Variants in IQSEC1 observed in about 807,000 individuals in gnomAD.
IQSEC1 encodes IQ motif and SEC7 domain-containing protein 1.
In IQSEC1, 31 loss-of-function variants were observed where a neutral mutation model predicts 91.0. That is an observed-to-expected ratio of 0.34 (90% CI 0.26 to 0.46). The LOEUF (loss-of-function observed/expected upper bound fraction) is 0.46, where lower values mean the gene tolerates loss of function less well. Among genes scored for constraint, IQSEC1 ranks in the 20% least tolerant of loss-of-function variants. The pLI is 1.00. For missense variants in IQSEC1, 1,388 were observed against 1,575.6 expected (o/e 0.88, Z 2.02); for synonymous variants, 699 against 662.6 (o/e 1.05, Z -0.84).
chr3:13,092,808 G>A (rs1705886908), intron 2 of IQSEC1, among the ~76,000 whole-genome samples: 1 of 152,170 alleles, frequency 6.6e-6, no homozygotes, highest in Non-Finnish European at 1.5e-5. Flanking sequence ...CTGTCCCAGT[G>A]CCAGCCCCTC....
chr3:12,925,293 C>T (rs536660522), intron 3 of IQSEC1, among the ~76,000 whole-genome samples: 1 of 152,194 alleles, frequency 6.6e-6, no homozygotes, highest in Admixed American at 6.5e-5. Flanking sequence ...AACCACAGCA[C>T]CGGCGGGGAG....
At chr3:13,244,959 AC>A (rs1414946482) in intron 1 of IQSEC1, among the ~76,000 whole-genome samples, 1 of 152,234 alleles carries the variant, frequency 6.6e-6, no homozygotes, top group African/African-American at 2.4e-5. Context: ...CAATGGAGGC[AC>A]GCAAATGGAG....
chr3:13,077,026 C>G (rs1202952966), upstream of IQSEC1, among the ~76,000 whole-genome samples: 2 of 82,152 alleles, frequency 2.4e-5, no homozygotes. Context: ...AAATTTCTTT[C>G]TTTCTTTTTT....
At chr3:12,952,039 C>T (rs954005295) in intron 1 of IQSEC1, among the ~76,000 whole-genome samples, 1 of 152,120 alleles carries the variant, frequency 6.6e-6, no homozygotes, top group African/African-American at 2.4e-5. Context: ...ATGTGACTTC[C>T]GCTGGCTAAC....
intron 1 of IQSEC1, among the ~76,000 whole-genome samples, chr3:12,982,575 C>T (rs1411408978): frequency 6.6e-6 from 1 of 152,244 alleles, no homozygotes; most frequent in African/African-American, 2.4e-5. Flanking sequence ...CCACAACCAA[C>T]GCCAGCACCC....
Position 12,936,069 on chromosome 3 carries a change from G to T in IQSEC1, c.947C>A (p.Ser316Ter). Residue 316 changes from serine to a stop codon, truncating the protein, a stop_gained, in exon 3 of 14, where the codon TCG (serine) becomes TAG (stop). Transcript: ENST00000613206. LOFTEE classifies it high-confidence loss of function. ...GCCCCCAGCCCGTAGCCGCAGGTCC[G>T]ACTCGGTGCTGGACGGCCGGTCCCC... ...QAGDRPSSTE[S>*]DLRLRAGGAA... The T allele has an allele frequency of 6.2e-7, 1 of 1,607,930 alleles. No individual in the cohort carries two copies. The highest frequency in any genetic ancestry group is 1.1e-5 in the South Asian group (1 of 91,060).
intron 1 of IQSEC1, among the ~76,000 whole-genome samples, chr3:13,203,589 G>C (rs1432204196): frequency 5.3e-5 from 8 of 152,280 alleles, no homozygotes; most frequent in African/African-American, 1.9e-4. Flanking sequence ...GGCAAGGAGT[G>C]GCTGCTCCAC....
At chr3:13,051,372 G>A (rs540874545) in intron 1 of IQSEC1, among the ~76,000 whole-genome samples, 73 of 152,210 alleles carry the variant, frequency 4.8e-4, no homozygotes, top group Non-Finnish European at 8.5e-4. Context: ...AACAGCACCC[G>A]ACCATTGAAG....
At chr3:12,971,520 G>C (rs1246254260) in intron 1 of IQSEC1, among the ~76,000 whole-genome samples, 1 of 152,192 alleles carries the variant, frequency 6.6e-6, no homozygotes, top group Non-Finnish European at 1.5e-5. Context: ...GATGGCAGCA[G>C]CATCTTGCAT....
intron 2 of IQSEC1, among the ~76,000 whole-genome samples, chr3:13,117,371 G>T (rs1706352229): frequency 6.6e-6 from 1 of 150,704 alleles, no homozygotes; most frequent in Admixed American, 6.6e-5. Flanking sequence ...CGGATCACGA[G>T]GTCAGGAGAT....
At chr3:12,905,985 G>A (rs977661085) in intron 12 of IQSEC1, among the ~76,000 whole-genome samples, 10 of 152,208 alleles carry the variant, frequency 6.6e-5, no homozygotes, top group African/African-American at 1.9e-4. Context: ...GGGCTGAGAC[G>A]CCAGGCAATG....
rs1376363406 is a variant in IQSEC1 at position 12,936,134 on chromosome 3, A to T, written c.882T>A (p.Asp294Glu). 5 of 1,612,208 alleles carry T rather than the reference A, an allele frequency of 3.1e-6. No homozygotes were observed. The highest frequency in any genetic ancestry group is 4.2e-6 in the Non-Finnish European group (5 of 1,179,836). The change falls in exon 3 of 14, where the codon GAT becomes GAA. Residue 294 changes from aspartate (D) to glutamate (E), a missense_variant. Asp to Glu is a conservative substitution (Grantham distance 45). Transcript: ENST00000613206. ...ASYSDVTLYI[D>E]EEELSPPLPL... ...GCAGAGGGGGCGACAGCTCCTCCTCATCGATGTACAGGGTGACATCACTGT... is the reference window on the plus strand; with the variant it reads ...GCAGAGGGGGCGACAGCTCCTCCTCTTCGATGTACAGGGTGACATCACTGT...
intron 1 of IQSEC1, among the ~76,000 whole-genome samples, chr3:12,977,072 C>A (rs1701215605): frequency 6.6e-6 from 1 of 152,218 alleles, no homozygotes; most frequent in Non-Finnish European, 1.5e-5. Context: ...CACAGCAGCT[C>A]ATACCTGTAA....
intron 12 of IQSEC1, among the ~76,000 whole-genome samples, chr3:12,904,640 G>T (rs996630685): frequency 3.9e-5 from 6 of 152,166 alleles, no homozygotes; most frequent in African/African-American, 1.4e-4. Context: ...TCAGGACATT[G>T]TGGCGCCATG....
chr3:13,227,762 T>C (rs1576302341), intron 1 of IQSEC1, among the ~76,000 whole-genome samples: 1 of 151,814 alleles, frequency 6.6e-6, no homozygotes, highest in Non-Finnish European at 1.5e-5. Context: ...TGACAGGGGG[T>C]TGTGGAGACA....
rs907925167 is a variant in IQSEC1, at chr3:13,049,228, C to G, written c.23+23764G>C. ...CCCAGCCTGGCCGCTCAGCTGCACA[C>G]GAGCCACATGAGATGATACCGATAC... On this transcript the variant is annotated intron_variant, in intron 1 of 13. Coordinates refer to ENST00000613206, the MANE Select transcript of IQSEC1 (RefSeq NM_001134382.3). 2.0e-5 allele frequency among the ~76,000 whole-genome samples: 3 copies of G among 152,296 alleles called. No homozygotes were observed. In the East Asian group the frequency reaches 5.8e-4, roughly 29 times the overall value.
At chr3:13,032,317 G>A (rs1703871514) in intron 1 of IQSEC1, among the ~76,000 whole-genome samples, 1 of 152,194 alleles carries the variant, frequency 6.6e-6, no homozygotes, top group Non-Finnish European at 1.5e-5. Flanking sequence ...CCTCTATGGA[G>A]ACACAACCCC....
At chr3:13,265,598 A>G (rs1013593409) in intron 1 of IQSEC1, among the ~76,000 whole-genome samples, 1 of 152,158 alleles carries the variant, frequency 6.6e-6, no homozygotes, top group African/African-American at 2.4e-5. Flanking sequence ...CAGTTCCTCC[A>G]GGTTACCAGG....
In IQSEC1 at chr3:13,121,918, G is replaced by A. The variant is rs565721474; in HGVS notation, c.302+42186C>T. Among the ~76,000 whole-genome samples the A allele has an allele frequency of 3.3e-5, 5 of 152,348 alleles. 1 individual carries two copies. Among genetic ancestry groups the A allele is most frequent in the Admixed American group, 3.3e-4 (5 of 15,308 alleles). On this transcript the variant is annotated intron_variant, in intron 2 of 15. Transcript: ENST00000648114. ...GGGCTCGGGGACGGCCACGGCAGTGGGAGGCTGAATGGGGACCTTCATCCA... is the reference window on the plus strand; with the variant it reads ...GGGCTCGGGGACGGCCACGGCAGTGAGAGGCTGAATGGGGACCTTCATCCA...
Sources: allele counts gnomAD v4.1 joint callset (sites outside exome capture counted in the v4.1 genomes callset), GRCh38; gene constraint gnomAD v4.1.1; transcripts MANE v1.5; gene names NCBI Gene and HGNC (gene_info 2026-07-23, HGNC 2026-07-21).